Variants in MYO5B observed in about 807,000 individuals in gnomAD.
MYO5B encodes unconventional myosin-Vb.
MYO5B carries 143 observed loss-of-function variants against 229.3 expected under a neutral mutation model. That is an observed-to-expected ratio of 0.62 (90% CI 0.54 to 0.72). MYO5B has a LOEUF of 0.72. MYO5B is among the 30% of genes least tolerant of loss of function. MYO5B has a pLI of 0.00. For missense variants in MYO5B, 2,321 were observed against 2,331.0 expected (o/e 1.00, Z 0.09); for synonymous variants, 918 against 885.2 (o/e 1.04, Z -0.66).
chr18:49,952,150 T>C (rs1206439294), intron 14 of MYO5B, among the ~76,000 whole-genome samples: 1 of 152,232 alleles, frequency 6.6e-6, no homozygotes, highest in East Asian at 1.9e-4. Flanking sequence ...GAACAGGGTT[T>C]ACTTGGCTTT....
chr18:49,872,134 T>G (rs3826580), intron 27 of MYO5B, 33 bp downstream of exon 27: 1 of 1,604,306 alleles, frequency 6.2e-7, no homozygotes, highest in East Asian at 2.2e-5. Flanking sequence ...GCCAGGGGAG[T>G]GTTCCAGGAA....
chr18:49,829,918 C>T (rs1194464084), intron 39 of MYO5B, among the ~76,000 whole-genome samples: 1 of 152,104 alleles, frequency 6.6e-6, no homozygotes, highest in Non-Finnish European at 1.5e-5. Context: ...ATAAATCCCT[C>T]CATGATGAAG....
At chr18:49,979,163 G>T (rs2025786810) in intron 9 of MYO5B, among the ~76,000 whole-genome samples, 1 of 152,144 alleles carries the variant, frequency 6.6e-6, no homozygotes, top group African/African-American at 2.4e-5. Context: ...CCTTCTCATG[G>T]CATCACTGCT....
chr18:50,149,163 C>T (rs1464006718), intron 1 of MYO5B, among the ~76,000 whole-genome samples: 3 of 152,148 alleles, frequency 2.0e-5, no homozygotes, highest in Non-Finnish European at 4.4e-5. Context: ...AACTACAAAC[C>T]ACTGCTCAAT....
At chr18:50,187,629 C>T (rs2033166341) in intron 1 of MYO5B, among the ~76,000 whole-genome samples, 1 of 152,190 alleles carries the variant, frequency 6.6e-6, no homozygotes. Flanking sequence ...AATCCTCCCA[C>T]CTCGGCCTCC....
At chr18:49,905,690 A>G (rs1182937133) in intron 19 of MYO5B, among the ~76,000 whole-genome samples, 2 of 152,092 alleles carry the variant, frequency 1.3e-5, no homozygotes, top group Non-Finnish European at 2.9e-5. Flanking sequence ...CTTTCTGGAG[A>G]GGGCACTGGA....
chr18:49,910,272 T>C (rs1165836375), intron 18 of MYO5B, among the ~76,000 whole-genome samples: 1 of 151,810 alleles, frequency 6.6e-6, no homozygotes, highest in Non-Finnish European at 1.5e-5. Context: ...CCGGGTCCCC[T>C]CCAGAGTTCC....
chr18:50,178,880 TCAGGGATGTTAACA>T (rs1233258068), intron 1 of MYO5B, among the ~76,000 whole-genome samples: 1 of 152,190 alleles, frequency 6.6e-6, no homozygotes, highest in Non-Finnish European at 1.5e-5. Flanking sequence ...CAGTCAGATT[TCAGGGATGTTAACA>T]CAGTGGGCCA....
At chr18:49,943,657 C>A (rs2025340518) in intron 14 of MYO5B, among the ~76,000 whole-genome samples, 1 of 152,118 alleles carries the variant, frequency 6.6e-6, no homozygotes, top group Non-Finnish European at 1.5e-5. Flanking sequence ...TACTGACGCT[C>A]AAATATGCAA....
At chr18:49,884,871 G>A (rs1455811833) in intron 22 of MYO5B, among the ~76,000 whole-genome samples, 3 of 152,080 alleles carry the variant, frequency 2.0e-5, no homozygotes, top group Non-Finnish European at 4.4e-5. Flanking sequence ...ACAAATGGCC[G>A]ATAAACACAG....
chr18:50,194,141 A>G (rs1424496251), intron 1 of MYO5B, among the ~76,000 whole-genome samples: 2 of 152,180 alleles, frequency 1.3e-5, no homozygotes, highest in Non-Finnish European at 2.9e-5. Context: ...GGGTCTCCGG[A>G]GATAACGGCG....
chr18:49,843,140 G>A (rs999499099), intron 34 of MYO5B, 101 bp downstream of exon 34: 18 of 1,465,202 alleles, frequency 1.2e-5, no homozygotes, highest in Non-Finnish European at 1.7e-5. Flanking sequence ...GGAGCCCTAG[G>A]AGCATTCACT....
Position 50,037,443 on chromosome 18 carries a change from G to A in MYO5B, c.311-449C>T, listed in dbSNP as rs540952961. Among the ~76,000 whole-genome samples the A allele has an allele frequency of 1.7e-3, 252 of 152,154 alleles. 1 individual carries two copies. The highest frequency in any genetic ancestry group is 3.4e-3 in the Middle Eastern group (1 of 294). ...CTTAACTAAAATACAAATAACATGC[G>A]GACAGAGAATACAATTTACATATCT... On this transcript the variant is annotated intron_variant, in intron 3 of 39. Coordinates refer to ENST00000285039, the MANE Select transcript of MYO5B (RefSeq NM_001080467.3).
At chr18:49,856,097 C>T (rs920004790) in intron 30 of MYO5B, among the ~76,000 whole-genome samples, 5 of 152,268 alleles carry the variant, frequency 3.3e-5, no homozygotes, top group Admixed American at 2.0e-4. Context: ...CATGCCTACC[C>T]TGTCTGGCTA....
chr18:49,855,092 C>T (rs1052360792), intron 30 of MYO5B, among the ~76,000 whole-genome samples: 1 of 152,080 alleles, frequency 6.6e-6, no homozygotes, highest in Non-Finnish European at 1.5e-5. Context: ...TAGATAATAT[C>T]CAATATTGGC....
intron 34 of MYO5B, 142 bp from the exon 35 acceptor site, chr18:49,841,596 C>T (rs1405065095): frequency 2.1e-5 from 16 of 759,390 alleles, no homozygotes; most frequent in East Asian, 1.3e-4. Flanking sequence ...TTGCCAGTCA[C>T]GGGGTTGAGA....
At chr18:50,181,425 T>C (rs982648732) in intron 1 of MYO5B, among the ~76,000 whole-genome samples, 1 of 152,222 alleles carries the variant, frequency 6.6e-6, no homozygotes, top group South Asian at 2.1e-4. Context: ...CATCCATACC[T>C]GGAAGCAACA....
chr18:49,892,661 CT>C (rs1475464546), intron 22 of MYO5B, among the ~76,000 whole-genome samples: 2 of 152,140 alleles, frequency 1.3e-5, no homozygotes, highest in Non-Finnish European at 2.9e-5. Context: ...ATATTATACC[CT>C]GAGGAGGCAC....
At chr18:50,081,443 G>A (rs939206170) in intron 1 of MYO5B, among the ~76,000 whole-genome samples, 7 of 152,196 alleles carry the variant, frequency 4.6e-5, no homozygotes, top group African/African-American at 1.7e-4. Context: ...ACACACAGGT[G>A]ATTCATCCAC....
Sources: gnomAD v4.1 joint callset for allele counts (sites outside exome capture counted in the v4.1 genomes callset) on GRCh38, gnomAD v4.1.1 for gene constraint, MANE v1.5 for transcripts, NCBI Gene and HGNC (gene_info 2026-07-23, HGNC 2026-07-21) for gene names.